The following FKBP10 variants were observed in gnomAD, a reference collection of about 807,000 sequenced individuals.
FKBP10 encodes FKBP prolyl isomerase 10.
In FKBP10, 34 loss-of-function variants were observed where a neutral mutation model predicts 53.7. The ratio of observed to expected loss-of-function variants is 0.63; its 90% CI spans 0.48 to 0.84. FKBP10 has a LOEUF of 0.84. FKBP10 is among the 40% of genes least tolerant of loss of function. The probability of loss-of-function intolerance (pLI) is 0.00; values close to 1 mark genes in which losing one functional copy is unlikely to be tolerated. For missense variants in FKBP10, 748 were observed against 797.8 expected, an observed-to-expected ratio of 0.94 and a Z score of 0.75; for synonymous variants, 324 against 335.7, an observed-to-expected ratio of 0.97 and a Z score of 0.38.
chr17:41,815,470 CTT>C (rs57675240), intron 1 of FKBP10, among the ~76,000 whole-genome samples: 2 of 141,742 alleles, frequency 1.4e-5, no homozygotes, highest in African/African-American at 2.6e-5. Flanking sequence ...ACTTAGAAAA[CTT>C]TTTTTTTTTT....
intron 1 of FKBP10, among the ~76,000 whole-genome samples, chr17:41,814,338 A>G (rs1282024878): frequency 1.3e-5 from 2 of 152,214 alleles, no homozygotes; most frequent in African/African-American, 4.8e-5. Context: ...TTTAGGCATC[A>G]CTTTCCTTAT....
At chr17:41,817,278 C>G in intron 2 of FKBP10, 75 bp downstream of exon 2, 1 of 1,582,262 alleles carries the variant, frequency 6.3e-7, no homozygotes, top group Non-Finnish European at 8.6e-7. Flanking sequence ...GGTGAGAAAA[C>G]TGAAGTGCGG....
rs1400944344 is a variant in FKBP10 at position 41,822,793 on chromosome 17, C to T, written c.*385C>T. On this transcript the variant is annotated 3_prime_UTR_variant, in exon 10 of 10. Transcript: ENST00000321562. The stretch of plus-strand genomic sequence containing the variant: ...TCTCTTTCTTTGTACTTCTTGTCAT[C>T]CCCACTCCCAGCCCCTTTTCCTCTA... 3 of 347,510 alleles carry T rather than the reference C, an allele frequency of 8.6e-6. No individual in the cohort carries two copies. Among genetic ancestry groups the T allele is most frequent in the Non-Finnish European group, 1.7e-5 (3 of 178,716 alleles). The allele number at this position is 347,510 out of a possible 1,614,324, so 21.5% of individuals were successfully genotyped here. A position where few individuals can be genotyped will look rare whatever the true frequency, so the allele number is the denominator to read the frequency against.
chr17:41,821,077 G>T lies in FKBP10; in HGVS notation c.1387G>T (p.Gly463Trp). ...CATCGTGCCCCCGCACCTGGCCCAC[G>T]GGGAGAGTGGAGGTGAGGGGCTGAG... ...QLIVPPHLAH[G>W]ESGARGVPGS... is the part of the protein sequence containing the mutation. Residue 463 changes from glycine to tryptophan, a missense_variant, in exon 8 of 10, where the codon GGG (glycine) becomes TGG (tryptophan). Gly to Trp is a radical substitution (Grantham distance 184, BLOSUM62 -2). Transcript: ENST00000321562. 5.9e-6 allele frequency: 9 copies of T among 1,523,716 alleles called. No homozygotes were observed. Among genetic ancestry groups the T allele is most frequent in the Non-Finnish European group, 8.0e-6 (9 of 1,119,624 alleles). 94.4% of individuals were successfully genotyped at this position (1,523,716 alleles called of 1,614,324 possible). A position where few individuals can be genotyped will look rare whatever the true frequency, so the allele number is the denominator to read the frequency against.
At position 41,813,020 on chromosome 17, in the gene FKBP10, C is replaced by T. The variant is rs1555615640; in HGVS notation, c.-15C>T. ...TCGCTCGCCCTCACTGCCGGCGGTCCCAACTCCAGGCACCATGTTCCCCGC... is the reference window on the plus strand; with the variant it reads ...TCGCTCGCCCTCACTGCCGGCGGTCTCAACTCCAGGCACCATGTTCCCCGC... On this transcript the variant is annotated 5_prime_UTR_variant, in exon 1 of 10. Transcript: ENST00000321562. 1 of 1,609,496 alleles carries T rather than the reference C, an allele frequency of 6.2e-7. No homozygotes were observed. Among genetic ancestry groups the T allele is most frequent in the Admixed American group, 1.7e-5 (1 of 59,984 alleles).
chr17:41,821,962 C>A, intron 9 of FKBP10, 145 bp downstream of exon 9: 2 of 1,070,566 alleles, frequency 1.9e-6, no homozygotes, highest in Non-Finnish European at 2.8e-6. Context: ...GGCTCCTTGT[C>A]CCTGCTTTTT....
intron 7 of FKBP10, 137 bp downstream of exon 7, chr17:41,820,598 C>G: frequency 5.6e-6 from 5 of 888,116 alleles, no homozygotes; most frequent in Non-Finnish European, 7.1e-6. Flanking sequence ...TTGCTGCTTT[C>G]TGTAAGTCCC....
At chr17:41,817,395 C>T (rs895670685) in intron 2 of FKBP10, among the ~76,000 whole-genome samples, 192 bp downstream of exon 2, 2 of 151,956 alleles carry the variant, frequency 1.3e-5, no homozygotes, top group East Asian at 1.9e-4. Context: ...TTTGGGAGGC[C>T]GAGGTGGGAG....
In FKBP10 at chr17:41,818,492, TC is replaced by T; in HGVS notation, c.695del (p.Pro232LeufsTer14). 1 of 1,613,988 alleles carries T rather than the reference TC, an allele frequency of 6.2e-7. No homozygotes were observed. The highest frequency in any genetic ancestry group is 8.5e-7 in the Non-Finnish European group (1 of 1,180,002). On this transcript the variant is annotated frameshift_variant, in exon 4 of 10. Coordinates refer to ENST00000321562, the MANE Select transcript of FKBP10 (RefSeq NM_021939.4). LOFTEE classifies it high-confidence loss of function. Reference protein sequence around the residue: ...MCPGERRKIIIPPFLAYGEKG... With the variant: ...MCPGERRKIIXPPFLAYGEKG... Reference sequence around the variant, plus strand: ...CCTGGAGAGAGAAGGAAGATTATCATCCCTCCATTCCTGGCCTATGGCGAGA... The same window carrying T: ...CCTGGAGAGAGAAGGAAGATTATCATCCTCCATTCCTGGCCTATGGCGAGA...
intron 7 of FKBP10, 75 bp downstream of exon 7, chr17:41,820,536 G>A (rs974918888): frequency 8.1e-5 from 119 of 1,472,714 alleles, no homozygotes; most frequent in Admixed American, 1.2e-4. Context: ...GTGCACCCCC[G>A]ACGCCTGCTC....
chr17:41,821,421 C>T (rs1195381479), intron 8 of FKBP10, among the ~76,000 whole-genome samples: 1 of 152,184 alleles, frequency 6.6e-6, no homozygotes, highest in Non-Finnish European at 1.5e-5. Context: ...CTGCGCTCGG[C>T]CCGAGACCGT....
intron 7 of FKBP10, chr17:41,820,693 T>C (rs2047879853): frequency 1.3e-5 from 9 of 667,798 alleles, no homozygotes; most frequent in Non-Finnish European, 2.3e-5. Flanking sequence ...AGAACTGCTC[T>C]TTCTATTTCA....
At chr17:41,814,579 A>C (rs1049313028) in intron 1 of FKBP10, among the ~76,000 whole-genome samples, 1 of 152,180 alleles carries the variant, frequency 6.6e-6, no homozygotes, top group Non-Finnish European at 1.5e-5. Context: ...AACAGTCCAG[A>C]CTTAAAACCT....
chr17:41,817,170 C>G lies in FKBP10; in HGVS notation c.358C>G (p.Pro120Ala). Reference sequence around the variant, plus strand: ...CAACGAGCGGCGACGCCTCATTGTGCCTCCCCACCTGGGCTATGGGAGCAT... The same window carrying G: ...CAACGAGCGGCGACGCCTCATTGTGGCTCCCCACCTGGGCTATGGGAGCAT... ...CVNERRRLIV[P>A]PHLGYGSIGL... The change falls in exon 2 of 10, where the codon CCT (proline) becomes GCT (alanine). Residue 120 changes from proline (P) to alanine (A), a missense_variant. Pro to Ala is a conservative substitution (Grantham distance 27). Transcript: ENST00000321562. 6.2e-7 allele frequency: 1 copy of G among 1,613,930 alleles called. No homozygotes were observed. Among genetic ancestry groups the G allele is most frequent in the Non-Finnish European group, 8.5e-7 (1 of 1,180,046 alleles).
intron 2 of FKBP10, 52 bp from the exon 3 acceptor site, chr17:41,818,037 C>G: frequency 6.5e-7 from 1 of 1,531,664 alleles, no homozygotes; most frequent in Non-Finnish European, 8.8e-7. Context: ...TGGCTGGGAT[C>G]GTGGTTGGCA....
chr17:41,814,811 T>TC, intron 1 of FKBP10, among the ~76,000 whole-genome samples: 1 of 152,190 alleles, frequency 6.6e-6, no homozygotes, highest in Non-Finnish European at 1.5e-5. Flanking sequence ...CCATCTCAGC[T>TC]CACTGCAACC....
chr17:41,820,470 G>T lies in FKBP10; in HGVS notation c.1256+9G>T, dbSNP rs782280522. On this transcript the variant is annotated intron_variant, in intron 7 of 9. Transcript: ENST00000321562. ...ACCCAGCTGTTCACCTCGTGGGTCC[G>T]GGGGGGGGCCGGGACTGGGCAGGTG... The T allele has an allele frequency of 3.6e-5, 54 of 1,495,200 alleles. No homozygotes were observed. The highest frequency in any genetic ancestry group is 4.7e-5 in the Non-Finnish European group (51 of 1,089,406). The allele number at this position is 1,495,200 out of a possible 1,614,324, so 92.6% of individuals were successfully genotyped here.
At chr17:41,821,948 C>T (rs1597910613) in intron 9 of FKBP10, 131 bp downstream of exon 9, 5 of 1,149,108 alleles carry the variant, frequency 4.4e-6, no homozygotes, top group Non-Finnish European at 6.3e-6. Flanking sequence ...AGTCCCACGC[C>T]TCAGGCTCCT....
chr17:41,821,805 C>A lies in FKBP10; in HGVS notation c.1551C>A (p.Val517=), dbSNP rs1357488008. The change falls in exon 9 of 10, where the codon GTC becomes GTA. Residue 517 remains valine (V), a synonymous_variant. Transcript: ENST00000321562. ...TGGACCTCAACAAGGATGGCGAGGT[C>A]CCTCCGGAGGAGGTGGGTGAAGGTT... is the stretch of plus-strand genomic sequence containing the variant. The part of the protein sequence containing the change: ...EDMDLNKDGE[V]PPEEFSTFIK... The A allele has an allele frequency of 1.9e-6, 3 of 1,614,028 alleles. No homozygotes were observed. In the African/African-American group the frequency reaches 4.0e-5, roughly 22 times the overall value.
Sources: gnomAD v4.1 joint callset for allele counts (sites outside exome capture counted in the v4.1 genomes callset) on GRCh38, gnomAD v4.1.1 for gene constraint, MANE v1.5 for transcripts, NCBI Gene and HGNC (gene_info 2026-07-23, HGNC 2026-07-21) for gene names.